The following FAM135A variants were observed in gnomAD, a reference collection of about 807,000 sequenced individuals.
FAM135A encodes the protein protein FAM135A.
A neutral mutation model predicts 146.8 loss-of-function variants in FAM135A; 79 were observed. The observed-to-expected ratio is 0.54, with a 90% CI of 0.45 to 0.65. FAM135A has a LOEUF of 0.65. Ranked by LOEUF, FAM135A falls within the 30% of genes least tolerant of loss-of-function variation. The pLI, the probability that FAM135A is intolerant of heterozygous loss-of-function variation, is 0.00. For synonymous variants in FAM135A, 562 were observed against 603.6 expected (o/e 0.93, Z 1.01); for missense variants, 1,623 against 1,758.2 (o/e 0.92, Z 1.38).
In FAM135A at chr6:70,477,458, C is replaced by T. The variant is rs1427420410; in HGVS notation, c.542+126C>T. On this transcript the variant is annotated intron_variant, in intron 8 of 21. Transcript: ENST00000418814. ...ATGGTTCTTCAGGCTGTACAGGAAGCATGATGCTGGCATCTGCTTAACTTC... is the reference window on the plus strand; with the variant it reads ...ATGGTTCTTCAGGCTGTACAGGAAGTATGATGCTGGCATCTGCTTAACTTC... The T allele has an allele frequency of 8.9e-6, 9 of 1,008,368 alleles. No homozygotes were observed. The South Asian group carries it at 9.9e-5, about 11-fold the overall frequency. 62.5% of individuals were successfully genotyped at this position (1,008,368 alleles called of 1,614,324 possible).
chr6:70,474,622 A>C (rs1782258258), intron 5 of FAM135A, among the ~76,000 whole-genome samples: 1 of 152,178 alleles, frequency 6.6e-6, no homozygotes. Context: ...TATAGGGATG[A>C]TCTGAGAGGG....
chr6:70,524,879 G>A lies in FAM135A; in HGVS notation c.1795G>A (p.Asp599Asn), dbSNP rs1794351655. 1 of 1,612,162 alleles carries A rather than the reference G, an allele frequency of 6.2e-7. No individual in the cohort carries two copies. The highest frequency in any genetic ancestry group is 1.3e-5 in the African/African-American group (1 of 74,804). Residue 599 changes from aspartate (D) to asparagine (N), a missense_variant, in exon 15 of 22, where the codon GAT becomes AAT. Transcript: ENST00000418814. ...DIENVQPDQF[D>N]PLNSGNLNLC... ...TGAAAATGTTCAACCAGACCAGTTT[G>A]ATCCTTTGAACTCTGGCAACCTAAA...
chr6:70,516,072 GA>G (rs1792128455), intron 12 of FAM135A, among the ~76,000 whole-genome samples: 1 of 151,998 alleles, frequency 6.6e-6, no homozygotes. Context: ...CTCAGTGCTT[GA>G]AAAAGTCACT....
intron 19 of FAM135A, among the ~76,000 whole-genome samples, chr6:70,537,532 C>T (rs1797009764): frequency 1.3e-5 from 2 of 152,064 alleles, no homozygotes; most frequent in Admixed American, 6.5e-5. Flanking sequence ...TAATAGAACC[C>T]AACATGAATC....
chr6:70,433,114 G>A (rs1173872470), intron 4 of FAM135A, among the ~76,000 whole-genome samples: 1 of 147,826 alleles, frequency 6.8e-6, no homozygotes, highest in Admixed American at 6.8e-5. Context: ...TTGCTCTGTC[G>A]CCCAGGCTGG....
chr6:70,487,616 AAG>A (rs1432649218), intron 10 of FAM135A, among the ~76,000 whole-genome samples: 1 of 152,146 alleles, frequency 6.6e-6, no homozygotes, highest in African/African-American at 2.4e-5. Context: ...AGGAAGGAAA[AAG>A]AAGAGTTGAA....
chr6:70,550,435 G>A (rs2128481832), intron 20 of FAM135A, among the ~76,000 whole-genome samples: 1 of 152,330 alleles, frequency 6.6e-6, no homozygotes, highest in South Asian at 2.1e-4. Flanking sequence ...TAGCCCACAT[G>A]GAAACATCAT....
chr6:70,504,117 ACACT>A (rs1789186231), intron 12 of FAM135A: 1 of 152,196 alleles, frequency 6.6e-6, no homozygotes, highest in South Asian at 2.1e-4. Context: ...GTTACTCCAC[ACACT>A]CTCCAACTCT....
Position 70,538,126 on chromosome 6 carries a change from A to T in FAM135A, c.4118-165A>T, listed in dbSNP as rs112134723. Among the ~76,000 whole-genome samples, 642 of 152,386 alleles carry T rather than the reference A, an allele frequency of 4.2e-3. 4 individuals are homozygous for T. Among genetic ancestry groups the T allele is most frequent in the African/African-American group, 0.015 (606 of 41,596 alleles). Reference sequence around the variant, plus strand: ...CTAAGCATGCATGTTTATAAATGTTATCGGAACATGGAAATATTTTCCAAA... The same window carrying T: ...CTAAGCATGCATGTTTATAAATGTTTTCGGAACATGGAAATATTTTCCAAA... On this transcript the variant is annotated intron_variant, in intron 19 of 21. Coordinates refer to ENST00000418814, the MANE Select transcript of FAM135A (RefSeq NM_001162529.3).
intron 2 of FAM135A, among the ~76,000 whole-genome samples, chr6:70,416,076 G>A (rs1767484733): frequency 6.6e-6 from 1 of 152,086 alleles, no homozygotes; most frequent in Non-Finnish European, 1.5e-5. Context: ...GTAGAATGCT[G>A]GTGAACTGTG....
Position 70,521,060 on chromosome 6 carries a change from A to G in FAM135A, c.1030-1453A>G, listed in dbSNP as rs201746914. On this transcript the variant is annotated intron_variant, in intron 12 of 21. Transcript: ENST00000418814. ...TCTTTGTGTCTTTGTTTCCTCACCT[A>G]TTAAATGAAGATAATATCATCCTAG... Among the ~76,000 whole-genome samples the G allele has an allele frequency of 5.3e-5, 8 of 152,312 alleles. No homozygotes were observed. The East Asian group carries it at 1.5e-3, about 29-fold the overall frequency.
At chr6:70,537,078 G>A (rs988077288) in intron 19 of FAM135A, among the ~76,000 whole-genome samples, 1 of 151,922 alleles carries the variant, frequency 6.6e-6, no homozygotes, top group Admixed American at 6.6e-5. Context: ...TGGGATTACA[G>A]GCATACGCCA....
chr6:70,532,044 G>A (rs887850998), intron 16 of FAM135A, among the ~76,000 whole-genome samples: 1 of 151,352 alleles, frequency 6.6e-6, no homozygotes, highest in African/African-American at 2.4e-5. Flanking sequence ...CACCACACAC[G>A]GCTAATTTTT....
At position 70,525,529 on chromosome 6, in the gene FAM135A, A is replaced by G. The variant is rs756014446; in HGVS notation, c.2445A>G (p.Val815=). 13 of 1,612,470 alleles carry G rather than the reference A, an allele frequency of 8.1e-6. No homozygotes were observed. Among genetic ancestry groups the G allele is most frequent in the Non-Finnish European group, 1.0e-5 (12 of 1,179,448 alleles). Residue 815 remains valine (V), a synonymous_variant, in exon 15 of 22, where the codon GTA becomes GTG. Coordinates refer to ENST00000418814, the MANE Select transcript of FAM135A (RefSeq NM_001162529.3). The part of the protein sequence containing the change: ...PQLLMKPDYN[V]KFSLGNHCTE... The stretch of plus-strand genomic sequence containing the variant: ...TTTTGATGAAACCTGATTATAATGT[A>G]AAATTTTCATTAGGAAATCATTGTA...
At chr6:70,531,656 TG>T (rs1274232044) in intron 16 of FAM135A, among the ~76,000 whole-genome samples, 1 of 152,220 alleles carries the variant, frequency 6.6e-6, no homozygotes, top group Admixed American at 6.5e-5. Context: ...CAAATTGATG[TG>T]GGTGGTTTAC....
intron 5 of FAM135A, among the ~76,000 whole-genome samples, chr6:70,462,107 T>A (rs1480342073): frequency 2.0e-5 from 3 of 152,228 alleles, no homozygotes; most frequent in Non-Finnish European, 4.4e-5. Flanking sequence ...TGTAATTTCC[T>A]TAGTTTTCAA....
chr6:70,487,083 CAAAAAAAAAAAAAA>C (rs34560435), intron 10 of FAM135A, among the ~76,000 whole-genome samples: 2 of 40,612 alleles, frequency 4.9e-5, no homozygotes, highest in Non-Finnish European at 9.4e-5. Flanking sequence ...ACTCCCATCT[CAAAAAAAAAAAAAA>C]AAAAAAAAAA....
rs67408160 is a variant in FAM135A, at chr6:70,464,833, A to ATT, written c.158-10549_158-10548dup. 5.9e-4 allele frequency among the ~76,000 whole-genome samples: 38 copies of ATT among 64,324 alleles called. 1 individual carries two copies. The highest frequency in any genetic ancestry group is 1.3e-3 in the African/African-American group (18 of 14,034). 42.2% of individuals were successfully genotyped at this position (64,324 alleles called of 152,430 possible). A position where few individuals can be genotyped will look rare whatever the true frequency, so the allele number is the denominator to read the frequency against. On this transcript the variant is annotated intron_variant, in intron 5 of 21. Coordinates refer to ENST00000418814, the MANE Select transcript of FAM135A (RefSeq NM_001162529.3). ...AGGCATGCACCACCACGCCTGGCCA[A>ATT]TTTTTTTTTTTTTTTTTTTTTTTTT...
chr6:70,499,593 T>C (rs1328372080), intron 11 of FAM135A, among the ~76,000 whole-genome samples: 1 of 152,204 alleles, frequency 6.6e-6, no homozygotes, highest in Admixed American at 6.5e-5. Flanking sequence ...CTTTATATTT[T>C]GGTGTGTTTT....
Sources: gnomAD v4.1 joint callset for allele counts (sites outside exome capture counted in the v4.1 genomes callset) on GRCh38, gnomAD v4.1.1 for gene constraint, MANE v1.5 for transcripts, NCBI Gene and HGNC (gene_info 2026-07-23, HGNC 2026-07-21) for gene names.